Variants in VPS53 observed in about 807,000 individuals in gnomAD.
VPS53 encodes the protein VPS53 subunit of GARP complex.
Under a neutral mutation model 107.0 loss-of-function variants are expected in VPS53, and 70 were observed. The ratio of observed to expected loss-of-function variants is 0.65; its 90% CI spans 0.54 to 0.80. The LOEUF is 0.80. Ranked by LOEUF, VPS53 falls within the 30% of genes least tolerant of loss-of-function variation. The pLI is 0.00. For synonymous variants in VPS53, 409 were observed against 393.3 expected (o/e 1.04, Z -0.47); for missense variants, 917 against 1,049.4 (o/e 0.87, Z 1.74).
chr17:675,557 T>G (rs1972118586), intron 4 of VPS53: 1 of 151,930 alleles, frequency 6.6e-6, no homozygotes, highest in Non-Finnish European at 1.5e-5. Flanking sequence ...GCGGATCACC[T>G]CAGGTTGGGT....
chr17:565,826 C>T (rs191995986), intron 13 of VPS53, among the ~76,000 whole-genome samples: 8 of 152,304 alleles, frequency 5.3e-5, no homozygotes, highest in African/African-American at 9.6e-5. Flanking sequence ...AGGTCTCACC[C>T]GCAGCAGCTG....
chr17:706,337 A>G (rs1163377159), intron 2 of VPS53, among the ~76,000 whole-genome samples: 4 of 151,874 alleles, frequency 2.6e-5, no homozygotes, highest in Admixed American at 6.6e-5. Flanking sequence ...AAGAGATTGA[A>G]ACCATCCTGG....
intron 7 of VPS53, among the ~76,000 whole-genome samples, chr17:636,532 A>G (rs1970204268): frequency 6.6e-6 from 1 of 152,236 alleles, no homozygotes; most frequent in South Asian, 2.1e-4. Context: ...TTGCCCATTC[A>G]GTATGATATT....
At chr17:572,314 C>T (rs1231636094) in intron 13 of VPS53, among the ~76,000 whole-genome samples, 2 of 150,108 alleles carry the variant, frequency 1.3e-5, no homozygotes, top group Non-Finnish European at 3.0e-5. Flanking sequence ...CGGCAACCGC[C>T]CCGTCTGAGA....
intron 19 of VPS53, among the ~76,000 whole-genome samples, chr17:525,079 G>A (rs1909031281): frequency 6.6e-6 from 1 of 152,172 alleles, no homozygotes; most frequent in South Asian, 2.1e-4. Context: ...TTCGTGCAAT[G>A]GAATATGCTG....
intron 5 of VPS53, chr17:656,818 C>G: frequency 1.9e-6 from 3 of 1,575,296 alleles, no homozygotes; most frequent in Non-Finnish European, 2.6e-6. Context: ...GTTTGGCCGC[C>G]AGTCTCTTGT....
intron 12 of VPS53, among the ~76,000 whole-genome samples, chr17:594,203 A>C (rs894251764): frequency 6.6e-6 from 1 of 152,200 alleles, no homozygotes; most frequent in African/African-American, 2.4e-5. Flanking sequence ...AGATATACCT[A>C]ATGCCCTAAT....
intron 2 of VPS53, among the ~76,000 whole-genome samples, chr17:709,985 A>C (rs1973577194): frequency 6.6e-6 from 1 of 152,028 alleles, no homozygotes. Flanking sequence ...TCTCTACTAA[A>C]ATCACAAAAA....
chr17:619,566 A>G (rs12941594), intron 11 of VPS53, among the ~76,000 whole-genome samples: 2,882 of 71,792 alleles, frequency 0.04, no homozygotes, highest in Admixed American at 0.071. Context: ...GACTACAGGC[A>G]TGCACCACCA....
intron 4 of VPS53, among the ~76,000 whole-genome samples, chr17:671,488 A>G (rs1315541323): frequency 2.6e-5 from 4 of 152,172 alleles, no homozygotes. Flanking sequence ...GATTTCTGTC[A>G]AGCCTCTTAT....
At position 529,398 on chromosome 17, in the gene VPS53, T is replaced by TCACACACA. The variant is rs3084065; in HGVS notation, c.2085+3436_2085+3443dup. Among the ~76,000 whole-genome samples, 629 of 150,302 alleles carry TCACACACA rather than the reference T, an allele frequency of 4.2e-3. 1 individual carries two copies. The highest frequency in any genetic ancestry group is 6.9e-3 in the Non-Finnish European group (464 of 67,410). On this transcript the variant is annotated intron_variant, in intron 19 of 21. Coordinates refer to ENST00000437048, the MANE Select transcript of VPS53 (RefSeq NM_001128159.3). ...AGCATATCAATTCACACACACACAC[T>TCACACACA]CACACACACACACACACACACACAC...
intron 4 of VPS53, among the ~76,000 whole-genome samples, chr17:666,232 C>T (rs1212345961): frequency 6.6e-6 from 1 of 151,804 alleles, no homozygotes; most frequent in Non-Finnish European, 1.5e-5. Flanking sequence ...ATTCAGAAGT[C>T]TAAAATAAAA....
intron 11 of VPS53, among the ~76,000 whole-genome samples, chr17:608,568 G>C (rs371606473): frequency 3.3e-5 from 5 of 150,940 alleles, no homozygotes; most frequent in African/African-American, 1.2e-4. Flanking sequence ...TTTTCTATTT[G>C]AGTTTTTAAT....
intron 13 of VPS53, among the ~76,000 whole-genome samples, chr17:565,169 G>A (rs950043953): frequency 4.0e-5 from 6 of 151,810 alleles, no homozygotes; most frequent in African/African-American, 1.5e-4. Context: ...TGGGAAGCCG[G>A]GGCGGGTGGA....
intron 18 of VPS53, among the ~76,000 whole-genome samples, chr17:534,115 C>A (rs1210933278): frequency 2.0e-5 from 3 of 152,226 alleles, no homozygotes; most frequent in Non-Finnish European, 2.9e-5. Flanking sequence ...GCTGGGATGA[C>A]AGGCGTGAGC....
At chr17:701,394 T>C (rs1973191881) in intron 2 of VPS53, among the ~76,000 whole-genome samples, 1 of 151,970 alleles carries the variant, frequency 6.6e-6, no homozygotes, top group African/African-American at 2.4e-5. Flanking sequence ...TATATTTTTG[T>C]GTGTGATGGA....
intron 4 of VPS53, among the ~76,000 whole-genome samples, chr17:695,613 G>A (rs1174449143): frequency 1.3e-5 from 2 of 151,976 alleles, no homozygotes; most frequent in African/African-American, 4.8e-5. Flanking sequence ...GCAGTGGCGC[G>A]ATGATGGCTT....
intron 4 of VPS53, among the ~76,000 whole-genome samples, chr17:692,693 C>T (rs1055100321): frequency 2.0e-5 from 3 of 152,188 alleles, no homozygotes; most frequent in Admixed American, 6.5e-5. Context: ...AACACTTTCC[C>T]CTTATTTACA....
At chr17:579,435 A>G (rs1966877447) in intron 13 of VPS53, among the ~76,000 whole-genome samples, 1 of 151,264 alleles carries the variant, frequency 6.6e-6, no homozygotes, top group Non-Finnish European at 1.5e-5. Flanking sequence ...ATGTGGTCCC[A>G]GAGAACATCC....
Sources: allele counts gnomAD v4.1 joint callset (sites outside exome capture counted in the v4.1 genomes callset), GRCh38; gene constraint gnomAD v4.1.1; transcripts MANE v1.5; gene names NCBI Gene and HGNC (gene_info 2026-07-23, HGNC 2026-07-21).